The following COL6A6 variants were observed in gnomAD, a reference collection of about 807,000 sequenced individuals.
COL6A6 encodes the protein collagen type VI alpha 6 chain, also known as collagen alpha-6(VI) chain.
Under a neutral mutation model 208.6 loss-of-function variants are expected in COL6A6, and 183 were observed. That is an observed-to-expected ratio of 0.88 (90% CI 0.78 to 0.99). COL6A6 has a LOEUF of 0.99. Ranked by LOEUF, COL6A6 falls within the 50% of genes least tolerant of loss-of-function variation. The probability of loss-of-function intolerance (pLI) is 0.00; values close to 1 mark genes in which losing one functional copy is unlikely to be tolerated. For missense variants in COL6A6, 2,816 were observed against 2,815.2 expected (o/e 1.00, Z -0.01); for synonymous variants, 973 against 1,011.8 (o/e 0.96, Z 0.73).
intron 35 of COL6A6, 72 bp from the exon 36 acceptor site, chr3:130,664,931 T>C: frequency 1.0e-6 from 1 of 980,368 alleles, no homozygotes. Context: ...AGTGGCACTT[T>C]GTGTACAGAG....
intron 26 of COL6A6, 21 bp downstream of exon 26, chr3:130,627,390 G>C: frequency 6.2e-7 from 1 of 1,611,864 alleles, no homozygotes; most frequent in Non-Finnish European, 8.5e-7. Context: ...TCTGCTGGAA[G>C]CTGGACGTTT....
chr3:130,648,117 A>G (rs962012392), intron 32 of COL6A6, among the ~76,000 whole-genome samples: 6 of 152,252 alleles, frequency 3.9e-5, no homozygotes, highest in Non-Finnish European at 8.8e-5. Flanking sequence ...CCGAAATTAG[A>G]ATGATTTGGA....
intron 2 of COL6A6, among the ~76,000 whole-genome samples, chr3:130,561,200 C>T (rs1406696578): frequency 6.6e-6 from 1 of 152,214 alleles, no homozygotes; most frequent in African/African-American, 2.4e-5. Flanking sequence ...TCTACATTTC[C>T]TTTCTCCACA....
At chr3:130,586,950 G>T (rs560563009) in intron 11 of COL6A6, among the ~76,000 whole-genome samples, 1 of 152,156 alleles carries the variant, frequency 6.6e-6, no homozygotes, top group Non-Finnish European at 1.5e-5. Flanking sequence ...TATAGCCAAA[G>T]AACATAAGTG....
chr3:130,661,157 G>A (rs2108455142), intron 34 of COL6A6, among the ~76,000 whole-genome samples: 1 of 152,284 alleles, frequency 6.6e-6, no homozygotes, highest in South Asian at 2.1e-4. Context: ...CTCATAGGTA[G>A]ACACTGAGTT....
At chr3:130,607,098 AT>A in intron 21 of COL6A6, 132 bp downstream of exon 21, 1 of 626,390 alleles carries the variant, frequency 1.6e-6, no homozygotes, top group Non-Finnish European at 2.6e-6. Context: ...AGCTGAAAAA[AT>A]TTTAGGTTAA....
chr3:130,675,245 T>C lies in COL6A6; in HGVS notation c.6640T>C (p.Leu2214=), dbSNP rs1379215520. The stretch of plus-strand genomic sequence containing the variant: ...TAAAGCTACCCTCAAAGAAGATGTA[T>C]TACAGAAGGCAAAATTCTTTCAAGA... ...PLKATLKEDV[L]QKAKFFQDKK... is the part of the protein sequence containing the mutation. The change falls in exon 37 of 37, where the codon TTA becomes CTA. Residue 2214 remains leucine, a synonymous_variant. Coordinates refer to ENST00000358511, the MANE Select transcript of COL6A6 (RefSeq NM_001102608.3). The C allele has an allele frequency of 2.5e-6, 4 of 1,588,072 alleles. No individual in the cohort carries two copies. The highest frequency in any genetic ancestry group is 1.7e-4 in the Middle Eastern group (1 of 5,894).
At chr3:130,591,791 CA>C (rs1374317400) in intron 13 of COL6A6, among the ~76,000 whole-genome samples, 2 of 152,298 alleles carry the variant, frequency 1.3e-5, no homozygotes, top group Non-Finnish European at 2.9e-5. Context: ...AGGAGTGTGG[CA>C]GAACAACTCA....
At chr3:130,608,354 C>A (rs2064248372) in intron 21 of COL6A6, among the ~76,000 whole-genome samples, 1 of 152,118 alleles carries the variant, frequency 6.6e-6, no homozygotes, top group Admixed American at 6.5e-5. Context: ...AACTATATAA[C>A]AACTGAAATA....
chr3:130,644,944 T>A (rs2065425214), intron 31 of COL6A6, 47 bp from the exon 32 acceptor site: 1 of 1,586,966 alleles, frequency 6.3e-7, no homozygotes. Context: ...CAGAACTCTC[T>A]TCTCCTACCA....
intron 1 of COL6A6, among the ~76,000 whole-genome samples, chr3:130,519,494 A>T (rs1257263493): frequency 6.6e-6 from 1 of 152,186 alleles, no homozygotes; most frequent in African/African-American, 2.4e-5. Flanking sequence ...CTTCTAAAAG[A>T]TTCATGAACA....
At chr3:130,539,249 A>G (rs1397519271) in intron 1 of COL6A6, among the ~76,000 whole-genome samples, 3 of 152,242 alleles carry the variant, frequency 2.0e-5, no homozygotes, top group African/African-American at 4.8e-5. Flanking sequence ...CAACTTCTCA[A>G]TGTGGAATGG....
chr3:130,586,014 G>A (rs2063532950), intron 10 of COL6A6, among the ~76,000 whole-genome samples: 1 of 152,158 alleles, frequency 6.6e-6, no homozygotes, highest in Admixed American at 6.5e-5. Context: ...GGGTGCAGGG[G>A]CACAATCACA....
At chr3:130,604,994 G>A (rs75153814) in intron 20 of COL6A6, among the ~76,000 whole-genome samples, 3,241 of 152,248 alleles carry the variant, frequency 0.021, 124 homozygotes, top group African/African-American at 0.073. Context: ...AAATGTTGTG[G>A]GGACCTTTCA....
chr3:130,574,831 T>C (rs920927134), intron 8 of COL6A6, among the ~76,000 whole-genome samples: 3 of 152,124 alleles, frequency 2.0e-5, no homozygotes, highest in Non-Finnish European at 4.4e-5. Flanking sequence ...GTTTCAGAGG[T>C]TGAAGAGCAA....
chr3:130,615,392 G>A (rs1020892245), intron 23 of COL6A6, among the ~76,000 whole-genome samples: 4 of 152,228 alleles, frequency 2.6e-5, no homozygotes, highest in Admixed American at 6.5e-5. Context: ...GCCATGTGGC[G>A]ATGAGAAGAA....
chr3:130,574,179 T>G lies in COL6A6; in HGVS notation c.3201T>G (p.Ile1067Met). The change falls in exon 8 of 37, where the codon ATT (isoleucine) becomes ATG (methionine). Residue 1067 changes from isoleucine to methionine, a missense_variant. Physicochemically the swap from Ile to Met is conservative, Grantham distance 10. Transcript: ENST00000358511. ...GTGAAAAAGAGATATCATTTCAGAT[T>G]GAAAACATCAAGCAGATCTTTGGAA... The part of the protein sequence containing the change: ...FIGEKEISFQ[I>M]ENIKQIFGNT... 6.2e-7 allele frequency: 1 copy of G among 1,613,956 alleles called. No individual in the cohort carries two copies. The highest frequency in any genetic ancestry group is 8.5e-7 in the Non-Finnish European group (1 of 1,179,884).
At chr3:130,519,276 G>C (rs968000343) in intron 1 of COL6A6, among the ~76,000 whole-genome samples, 2 of 152,068 alleles carry the variant, frequency 1.3e-5, no homozygotes, top group African/African-American at 4.8e-5. Flanking sequence ...TAATACAATG[G>C]TCTTAAAAAT....
intron 8 of COL6A6, among the ~76,000 whole-genome samples, chr3:130,575,981 C>G (rs1266815674): frequency 6.6e-6 from 1 of 152,112 alleles, no homozygotes; most frequent in Non-Finnish European, 1.5e-5. Context: ...GCTGATGCCT[C>G]CAGCTTTGTT....
Sources: gnomAD v4.1 joint callset for allele counts (sites outside exome capture counted in the v4.1 genomes callset) on GRCh38, gnomAD v4.1.1 for gene constraint, MANE v1.5 for transcripts, NCBI Gene and HGNC (gene_info 2026-07-23, HGNC 2026-07-21) for gene names.